PPP2R2B: variants seen among roughly 807,000 people sequenced by gnomAD.
PPP2R2B encodes protein phosphatase 2 regulatory subunit Bbeta.
PPP2R2B carries 5 observed loss-of-function variants against 46.0 expected under a neutral mutation model. The observed-to-expected ratio is 0.11, with a 90% CI of 0.06 to 0.23. The LOEUF (loss-of-function observed/expected upper bound fraction) is 0.23. Among genes scored for constraint, PPP2R2B ranks in the 10% least tolerant of loss-of-function variants. The pLI is 1.00. For synonymous variants in PPP2R2B, 215 were observed against 206.7 expected (o/e 1.04, Z -0.34); for missense variants, 367 against 575.0 (o/e 0.64, Z 3.70).
intron 1 of PPP2R2B, among the ~76,000 whole-genome samples, chr5:146,931,382 G>C (rs973334363): frequency 2.6e-5 from 4 of 152,022 alleles, no homozygotes; most frequent in Non-Finnish European, 5.9e-5. Context: ...CTCACAATAG[G>C]CCTTCTTGGA....
intron 2 of PPP2R2B, among the ~76,000 whole-genome samples, chr5:146,712,219 A>G (rs543680181): frequency 1.5e-4 from 23 of 152,360 alleles, no homozygotes; most frequent in Admixed American, 4.6e-4. Context: ...CAGTTATAAT[A>G]CCATGAATCA....
Position 146,637,407 on chromosome 5 carries a change from A to G in PPP2R2B, c.790+844T>C, listed in dbSNP as rs139707475. Among the ~76,000 whole-genome samples, 23 of 152,330 alleles carry G rather than the reference A, an allele frequency of 1.5e-4. No individual in the cohort carries two copies. In the Middle Eastern group the frequency reaches 0.01, roughly 68 times the overall value. ...CTAAACATCCTACAATGTATAGGACAGCCCCTTCCCCGAAACAAAAATCTA... is the reference window on the plus strand; with the variant it reads ...CTAAACATCCTACAATGTATAGGACGGCCCCTTCCCCGAAACAAAAATCTA... On this transcript the variant is annotated intron_variant, in intron 7 of 9. Transcript: ENST00000394411.
intron 2 of PPP2R2B, among the ~76,000 whole-genome samples, chr5:146,873,849 T>G (rs1196336777): frequency 6.6e-6 from 1 of 152,210 alleles, no homozygotes; most frequent in Non-Finnish European, 1.5e-5. Flanking sequence ...GCATTAATCT[T>G]TCTTGCTTCT....
chr5:146,802,044 T>C (rs1370560776), intron 2 of PPP2R2B, among the ~76,000 whole-genome samples: 1 of 152,132 alleles, frequency 6.6e-6, no homozygotes, highest in East Asian at 1.9e-4. Flanking sequence ...ATGAGATTCT[T>C]TATGACTAAC....
chr5:147,081,387 G>A (rs2151915006), exon 1 of PPP2R2B: 2 of 1,287,998 alleles, frequency 1.6e-6, no homozygotes, highest in Non-Finnish European at 2.2e-6. Flanking sequence ...GTTTGAACTG[G>A]AGCAATTGGA....
intron 1 of PPP2R2B, among the ~76,000 whole-genome samples, chr5:146,892,291 CA>C (rs956664626): frequency 2.6e-4 from 39 of 152,152 alleles, no homozygotes; most frequent in African/African-American, 8.5e-4. Flanking sequence ...GGTTTGCACA[CA>C]TGCCACACAG....
intron 2 of PPP2R2B, among the ~76,000 whole-genome samples, chr5:146,850,344 A>T (rs1180141286): frequency 6.6e-6 from 1 of 152,122 alleles, no homozygotes; most frequent in African/African-American, 2.4e-5. Context: ...TGAAAAGCAA[A>T]CTTGGTCACT....
chr5:146,743,642 TC>T (rs1257622164), intron 2 of PPP2R2B, among the ~76,000 whole-genome samples: 2 of 152,224 alleles, frequency 1.3e-5, no homozygotes, highest in African/African-American at 4.8e-5. Context: ...TATTATTATT[TC>T]CCTTTCAGAT....
intron 2 of PPP2R2B, among the ~76,000 whole-genome samples, chr5:146,775,744 C>T (rs1034572680): frequency 6.6e-6 from 1 of 152,100 alleles, no homozygotes; most frequent in Non-Finnish European, 1.5e-5. Flanking sequence ...CAAACACACA[C>T]ACGCAAATCT....
intron 2 of PPP2R2B, among the ~76,000 whole-genome samples, chr5:146,799,076 G>A (rs1319644733): frequency 6.6e-6 from 1 of 152,162 alleles, no homozygotes; most frequent in Non-Finnish European, 1.5e-5. Context: ...GGGGCAGCCA[G>A]AACAAAGCAA....
chr5:146,690,707 A>T (rs1395657379), intron 5 of PPP2R2B, among the ~76,000 whole-genome samples: 4 of 152,190 alleles, frequency 2.6e-5, no homozygotes, highest in African/African-American at 9.7e-5. Flanking sequence ...GACTATTGGG[A>T]AATTTGGGTA....
chr5:146,682,800 A>G (rs149496720), intron 5 of PPP2R2B, among the ~76,000 whole-genome samples: 175 of 152,352 alleles, frequency 1.1e-3, no homozygotes, highest in African/African-American at 4.0e-3. Flanking sequence ...AACAGCTCAC[A>G]ATCACAGAAT....
chr5:146,779,853 T>C (rs1755402375), intron 2 of PPP2R2B, among the ~76,000 whole-genome samples: 1 of 152,130 alleles, frequency 6.6e-6, no homozygotes, highest in South Asian at 2.1e-4. Context: ...TAATACATAG[T>C]ATAATTTCCT....
chr5:147,042,364 A>G (rs1164493232), intron 1 of PPP2R2B, among the ~76,000 whole-genome samples: 1 of 152,094 alleles, frequency 6.6e-6, no homozygotes, highest in Non-Finnish European at 1.5e-5. Flanking sequence ...GGCGTTTTCT[A>G]TAACTCGCTC....
At chr5:146,879,145 A>C (rs181229242), upstream of PPP2R2B, 560 of 157,838 alleles carry the variant, frequency 3.5e-3, 8 homozygotes, top group African/African-American at 0.013. Flanking sequence ...TATATGATGC[A>C]TGTGGTCCCT....
intron 1 of PPP2R2B, among the ~76,000 whole-genome samples, chr5:146,963,125 C>T (rs1243105813): frequency 6.6e-6 from 1 of 152,214 alleles, no homozygotes; most frequent in East Asian, 1.9e-4. Context: ...AAGCTCTTTG[C>T]TTTGCTTCCC....
chr5:146,775,482 A>G (rs1447956793), intron 2 of PPP2R2B, among the ~76,000 whole-genome samples: 4 of 152,206 alleles, frequency 2.6e-5, no homozygotes, highest in African/African-American at 9.6e-5. Flanking sequence ...TAGAAATAGA[A>G]GGGAACATCC....
intron 1 of PPP2R2B, chr5:146,919,749 C>T (rs146411455): frequency 2.6e-5 from 4 of 152,318 alleles, no homozygotes; most frequent in African/African-American, 9.6e-5. Flanking sequence ...GCTCCAGATT[C>T]TTGCTATGTA....
At chr5:146,856,674 C>T (rs1760690513) in intron 2 of PPP2R2B, 2 of 858,442 alleles carry the variant, frequency 2.3e-6, no homozygotes, top group Admixed American at 1.9e-5. Context: ...ATACTTTCCA[C>T]ATACCCCCTA....
Sources: gnomAD v4.1 joint callset for allele counts (sites outside exome capture counted in the v4.1 genomes callset) on GRCh38, gnomAD v4.1.1 for gene constraint, MANE v1.5 for transcripts, NCBI Gene and HGNC (gene_info 2026-07-23, HGNC 2026-07-21) for gene names.